CD96: variants seen among roughly 807,000 people sequenced by gnomAD.
CD96 encodes the protein T-cell surface protein tactile.
In CD96, 70 loss-of-function variants were observed where a neutral mutation model predicts 71.3. The ratio of observed to expected loss-of-function variants is 0.98; its 90% confidence interval spans 0.81 to 1.20. The LOEUF is 1.20. Ranked by LOEUF, CD96 falls within the 50% of genes most tolerant of loss-of-function variation. CD96 has a pLI of 0.00. For missense variants in CD96, 742 were observed against 677.5 expected (o/e 1.10, Z -1.06); for synonymous variants, 248 against 233.0 (o/e 1.06, Z -0.59).
chr3:111,662,083 G>A (rs1286556742), intron 14 of CD96, among the ~76,000 whole-genome samples: 1 of 152,238 alleles, frequency 6.6e-6, no homozygotes, highest in Non-Finnish European at 1.5e-5. Flanking sequence ...CTACGCACCT[G>A]CAGGTCCAAA....
intron 5 of CD96, among the ~76,000 whole-genome samples, chr3:111,588,130 T>C (rs1433879952): frequency 6.6e-6 from 1 of 152,214 alleles, no homozygotes; most frequent in Non-Finnish European, 1.5e-5. Flanking sequence ...CTACAAATTT[T>C]CCAAACTTTT....
rs529384959 is a variant in CD96, at chr3:111,598,136, T to C, written c.824T>C (p.Leu275Ser). The change falls in exon 6 of 14, where the codon TTA becomes TCA. Residue 275 changes from leucine to serine, a missense_variant. Physicochemically the swap from Leu to Ser is moderately radical, Grantham distance 145. Transcript: ENST00000352690. The stretch of plus-strand genomic sequence containing the variant: ...TTACCCCAGAGAAGATTTACCTGCT[T>C]ACTAAAGAATGTATTTCCCAAAGCA... Reference protein sequence around the residue: ...DVLVERRFTCLLKNVFPKANI... With the variant: ...DVLVERRFTCSLKNVFPKANI... 1.0e-5 allele frequency: 15 copies of C among 1,453,436 alleles called. No individual in the cohort carries two copies. The East Asian group carries it at 1.1e-4, about 11-fold the overall frequency. 90.0% of individuals were successfully genotyped at this position (1,453,436 alleles called of 1,614,324 possible). A position where few individuals can be genotyped will look rare whatever the true frequency, so the allele number is the denominator to read the frequency against.
intron 12 of CD96, among the ~76,000 whole-genome samples, chr3:111,642,495 G>A (rs1357891220): frequency 6.6e-6 from 1 of 152,122 alleles, no homozygotes; most frequent in Non-Finnish European, 1.5e-5. Flanking sequence ...AGATTGAAAT[G>A]GCAATTTAAA....
intron 5 of CD96, chr3:111,595,150 A>C (rs996705948): frequency 1.8e-5 from 3 of 164,116 alleles, no homozygotes; most frequent in African/African-American, 7.2e-5. Flanking sequence ...AAGATAAATA[A>C]GTAAATGGAA....
At chr3:111,578,920 C>A in intron 3 of CD96, 107 bp from the exon 4 acceptor site, 1 of 742,038 alleles carries the variant, frequency 1.3e-6, no homozygotes, top group South Asian at 1.4e-5. Context: ...ATCCTTCATT[C>A]TTCCTCTCTA....
chr3:111,647,558 A>T lies in CD96; in HGVS notation c.1493A>T (p.Lys498Met). ...HVHITGIVVN[K>M]PKDGMSWPVI... ...CCCTTTTCAGGTATTGTGGTCAATAAGCCCAAAGATGGAATGTCCTGGCCA... is the reference window on the plus strand; with the variant it reads ...CCCTTTTCAGGTATTGTGGTCAATATGCCCAAAGATGGAATGTCCTGGCCA... The change falls in exon 13 of 14, where the codon AAG (lysine) becomes ATG (methionine). Residue 498 changes from lysine to methionine, a missense_variant. By Grantham distance (95) the Lys-to-Met change is moderately conservative (BLOSUM62 -1). Coordinates refer to ENST00000352690, the MANE Select transcript of CD96 (RefSeq NM_005816.5). 6.2e-7 allele frequency: 1 copy of T among 1,612,456 alleles called. No individual in the cohort carries two copies. The highest frequency in any genetic ancestry group is 8.5e-7 in the Non-Finnish European group (1 of 1,178,544).
intron 2 of CD96, among the ~76,000 whole-genome samples, chr3:111,556,922 T>C (rs916593820): frequency 4.8e-5 from 6 of 125,384 alleles, no homozygotes; most frequent in Non-Finnish European, 9.8e-5. Flanking sequence ...TGGTATCTCA[T>C]AGTGGTTTTG....
chr3:111,602,983 C>T (rs747897217), intron 7 of CD96, among the ~76,000 whole-genome samples: 111 of 152,244 alleles, frequency 7.3e-4, no homozygotes, highest in Admixed American at 1.8e-3. Context: ...TCTCCACCTA[C>T]GCCCAGTCTC....
intron 8 of CD96, among the ~76,000 whole-genome samples, chr3:111,621,090 G>T (rs1334276351): frequency 1.3e-5 from 2 of 152,194 alleles, no homozygotes; most frequent in East Asian, 3.8e-4. Context: ...CAACCAGGCT[G>T]GCATAGGAAA....
intron 5 of CD96, among the ~76,000 whole-genome samples, chr3:111,596,763 G>A (rs942808311): frequency 6.6e-6 from 1 of 152,044 alleles, no homozygotes; most frequent in Admixed American, 6.6e-5. Context: ...ATGTATTTTA[G>A]AGGATCTGGT....
chr3:111,596,268 G>GA (rs11368887), intron 5 of CD96, among the ~76,000 whole-genome samples: 3,394 of 151,890 alleles, frequency 0.022, 60 homozygotes, highest in Middle Eastern at 0.044. Flanking sequence ...AATTAAAATA[G>GA]AAAAAAAAGA....
chr3:111,641,658 A>G (rs879700413), intron 12 of CD96, among the ~76,000 whole-genome samples: 2 of 152,250 alleles, frequency 1.3e-5, no homozygotes, highest in African/African-American at 4.8e-5. Context: ...CTTAACAGAT[A>G]TATACAGAAC....
At chr3:111,616,742 G>A (rs902549923) in intron 8 of CD96, among the ~76,000 whole-genome samples, 1 of 152,204 alleles carries the variant, frequency 6.6e-6, no homozygotes, top group African/African-American at 2.4e-5. Flanking sequence ...GATGCCAGCT[G>A]TAGTGAGGGA....
intron 5 of CD96, among the ~76,000 whole-genome samples, chr3:111,589,196 C>T (rs139570210): frequency 0.024 from 3,578 of 151,926 alleles, 157 homozygotes; most frequent in African/African-American, 0.082. Context: ...GTGATCCGCC[C>T]GCCTCGGCCT....
intron 12 of CD96, among the ~76,000 whole-genome samples, chr3:111,642,838 C>T (rs545729157): frequency 1.2e-4 from 18 of 151,578 alleles, no homozygotes; most frequent in Middle Eastern, 3.4e-3. Context: ...AGAAAAATTA[C>T]CGACAAAACA....
chr3:111,582,286 C>G (rs988489055), intron 4 of CD96, among the ~76,000 whole-genome samples: 3 of 152,186 alleles, frequency 2.0e-5, no homozygotes, highest in African/African-American at 7.2e-5. Flanking sequence ...AGCATTCTTT[C>G]CACTGAGTCA....
At chr3:111,646,695 C>G (rs144763350) in intron 12 of CD96, among the ~76,000 whole-genome samples, 14 of 152,026 alleles carry the variant, frequency 9.2e-5, no homozygotes, top group Non-Finnish European at 1.5e-4. Context: ...ACTATTTGAT[C>G]CAGCAATCTC....
At chr3:111,662,710 A>G (rs571560125) in intron 14 of CD96, among the ~76,000 whole-genome samples, 3 of 152,312 alleles carry the variant, frequency 2.0e-5, no homozygotes, top group African/African-American at 4.8e-5. Flanking sequence ...CCAGTTCCCA[A>G]TAAGTTCCAC....
chr3:111,589,552 G>C lies in CD96; in HGVS notation c.807+4174G>C, dbSNP rs59403406. Among the ~76,000 whole-genome samples, 1,033 of 152,276 alleles carry C rather than the reference G, an allele frequency of 6.8e-3. 19 individuals carry two copies. Among genetic ancestry groups the C allele is most frequent in the African/African-American group, 0.024 (978 of 41,542 alleles). ...TCTTTTCAGATCTTGCCAAACATTA[G>C]TAACTCCTCACTCTAATATTCTTAC... On this transcript the variant is annotated intron_variant, in intron 5 of 13. Transcript: ENST00000352690.
Sources: gnomAD v4.1 joint callset for allele counts (sites outside exome capture counted in the v4.1 genomes callset) on GRCh38, gnomAD v4.1.1 for gene constraint, MANE v1.5 for transcripts, NCBI Gene and HGNC (gene_info 2026-07-23, HGNC 2026-07-21) for gene names.